The following SHB variants were observed in gnomAD, a reference collection of about 807,000 sequenced individuals.
The protein encoded by SHB is SH2 domain-containing adapter protein B.
SHB carries 20 observed loss-of-function variants against 52.3 expected under a neutral mutation model. The ratio of observed to expected loss-of-function variants is 0.38; its 90% CI spans 0.27 to 0.56. The LOEUF is 0.56. Ranked by LOEUF, SHB falls within the 20% of genes least tolerant of loss-of-function variation. The pLI, the probability that SHB is intolerant of heterozygous loss-of-function variation, is 0.71. For synonymous variants in SHB, 397 were observed against 316.5 expected (o/e 1.25, Z -2.70); for missense variants, 825 against 723.3 (o/e 1.14, Z -1.61).
At chr9:38,015,832 G>A (rs1321896553) in intron 2 of SHB, among the ~76,000 whole-genome samples, 179 bp downstream of exon 2, 1 of 152,082 alleles carries the variant, frequency 6.6e-6, no homozygotes, top group Non-Finnish European at 1.5e-5. Context: ...CCTAATATAG[G>A]TGAAACATAA....
At chr9:38,025,341 T>C (rs1821328755) in intron 1 of SHB, among the ~76,000 whole-genome samples, 2 of 152,130 alleles carry the variant, frequency 1.3e-5, no homozygotes, top group African/African-American at 4.8e-5. Flanking sequence ...TCTGTCCACC[T>C]TGCCAGACAG....
intron 1 of SHB, among the ~76,000 whole-genome samples, chr9:38,066,149 T>G (rs966192540): frequency 6.6e-6 from 1 of 152,108 alleles, no homozygotes; most frequent in African/African-American, 2.4e-5. Flanking sequence ...AAGAGTCAAG[T>G]CTTAAATATC....
chr9:37,984,774 G>A (rs1366223093), intron 2 of SHB, among the ~76,000 whole-genome samples: 1 of 152,142 alleles, frequency 6.6e-6, no homozygotes, highest in African/African-American at 2.4e-5. Flanking sequence ...TCAAAAGGGA[G>A]GTGACTTTAC....
chr9:37,976,161 A>G (rs1341085393), intron 2 of SHB, among the ~76,000 whole-genome samples: 1 of 152,064 alleles, frequency 6.6e-6, no homozygotes, highest in Non-Finnish European at 1.5e-5. Context: ...TCAGCCTCCC[A>G]AATAGCTAGG....
intron 1 of SHB, 106 bp from the exon 2 acceptor site, chr9:38,016,237 G>A: frequency 1.5e-6 from 2 of 1,292,356 alleles, no homozygotes; most frequent in South Asian, 1.4e-5. Context: ...GGAGAGGCAG[G>A]GGAGGCAGGA....
chr9:37,962,504 TC>T (rs1832703339), intron 3 of SHB, among the ~76,000 whole-genome samples: 1 of 127,252 alleles, frequency 7.9e-6, no homozygotes, highest in South Asian at 2.6e-4. Context: ...AATGGCTTCA[TC>T]TTTCTTTTTT....
At chr9:38,039,895 T>C (rs1179087166) in intron 1 of SHB, among the ~76,000 whole-genome samples, 1 of 152,244 alleles carries the variant, frequency 6.6e-6, no homozygotes, top group Non-Finnish European at 1.5e-5. Flanking sequence ...GACAGGAGTC[T>C]GGCGGCCCAT....
In SHB at chr9:37,918,201, C is replaced by A. The variant is rs569254599; in HGVS notation, c.*1620G>T. 2.6e-5 allele frequency among the ~76,000 whole-genome samples: 4 copies of A among 152,320 alleles called. No individual in the cohort carries two copies. Among genetic ancestry groups the A allele is most frequent in the African/African-American group, 7.2e-5 (3 of 41,566 alleles). ...TTCATTCAGACCAGCTGGTGCCTGGCGAAGGCTCTGGAACCCTTGTATCTC... is the reference window on the plus strand; with the variant it reads ...TTCATTCAGACCAGCTGGTGCCTGGAGAAGGCTCTGGAACCCTTGTATCTC... On this transcript the variant is annotated 3_prime_UTR_variant, in exon 6 of 6. Transcript: ENST00000377707.
intron 1 of SHB, among the ~76,000 whole-genome samples, chr9:38,046,154 G>C (rs1481594994): frequency 2.0e-5 from 3 of 152,042 alleles, no homozygotes; most frequent in African/African-American, 7.3e-5. Context: ...TCAAAACCGG[G>C]AGGCGGAAGT....
intron 2 of SHB, among the ~76,000 whole-genome samples, chr9:38,003,228 G>T (rs976835849): frequency 1.3e-5 from 2 of 152,148 alleles, no homozygotes; most frequent in Admixed American, 6.5e-5. Context: ...ATAGGGACCT[G>T]CCCCAGGTGG....
chr9:38,067,866 C>A, intron 1 of SHB, 63 bp downstream of exon 1: 2 of 1,396,410 alleles, frequency 1.4e-6, no homozygotes, highest in South Asian at 1.6e-5. Flanking sequence ...GCGGCGGGTG[C>A]CTCGGTTTCC....
chr9:38,056,456 A>G (rs1315332670), intron 1 of SHB, among the ~76,000 whole-genome samples: 1 of 152,130 alleles, frequency 6.6e-6, no homozygotes, highest in African/African-American at 2.4e-5. Flanking sequence ...CTCAGCCTCT[A>G]AAGTAGCTGG....
intron 1 of SHB, among the ~76,000 whole-genome samples, chr9:38,025,127 A>G (rs1821325831): frequency 1.3e-5 from 2 of 152,158 alleles, no homozygotes; most frequent in African/African-American, 4.8e-5. Flanking sequence ...AAAATGTCAG[A>G]GTATAATCAC....
rs761505204 is a variant in SHB, at chr9:37,925,178, G to A, written c.1347-5174C>T. 5.3e-5 allele frequency among the ~76,000 whole-genome samples: 8 copies of A among 152,180 alleles called. No individual in the cohort carries two copies. In the South Asian group the frequency reaches 8.3e-4, roughly 16 times the overall value. On this transcript the variant is annotated intron_variant, in intron 5 of 5. Transcript: ENST00000377707. ...CGCCCACCAGGGTCTGCCCAGAGCC[G>A]GGGCAATGAGGCCCCATGCATCCTC...
chr9:38,000,540 C>T (rs1274803497), intron 2 of SHB, among the ~76,000 whole-genome samples: 1 of 152,220 alleles, frequency 6.6e-6, no homozygotes. Context: ...TTCTCCTGAG[C>T]CTCCCATCCT....
At chr9:38,010,993 T>C (rs138308980) in intron 2 of SHB, among the ~76,000 whole-genome samples, 1 of 152,272 alleles carries the variant, frequency 6.6e-6, no homozygotes, top group African/African-American at 2.4e-5. Context: ...ATGTGCAAAG[T>C]TTGTTTTCCA....
rs1820636135 is a variant in SHB at position 37,974,810 on chromosome 9, G to C, written c.866C>G (p.Ser289Cys). 1.2e-6 allele frequency: 2 copies of C among 1,613,964 alleles called. No homozygotes were observed. The highest frequency in any genetic ancestry group is 1.7e-6 in the Non-Finnish European group (2 of 1,179,982). The change falls in exon 3 of 6, where the codon TCC becomes TGC. Residue 289 changes from serine to cysteine, a missense_variant. Transcript: ENST00000377707. ...ATATAACTGGATACCTTTATGCTGG[G>C]ACCGGACACTTTCCTGCCTCTGAAA... Reference protein sequence around the residue: ...TEFQRQESVRSQHKGIQLYDT... With the variant: ...TEFQRQESVRCQHKGIQLYDT...
chr9:38,001,030 T>C (rs1055561077), intron 2 of SHB, among the ~76,000 whole-genome samples: 1 of 152,342 alleles, frequency 6.6e-6, no homozygotes, highest in African/African-American at 2.4e-5. Context: ...TGTAAACGCA[T>C]GGGGCACTGT....
Position 38,002,167 on chromosome 9 carries a change from C to T in SHB, c.838+13844G>A, listed in dbSNP as rs149024743. 2.6e-3 allele frequency among the ~76,000 whole-genome samples: 392 copies of T among 152,206 alleles called. 3 individuals carry two copies. The highest frequency in any genetic ancestry group is 2.7e-3 in the Non-Finnish European group (187 of 68,026). On this transcript the variant is annotated intron_variant, in intron 2 of 5. Transcript: ENST00000377707. ...AGCAAGGACTGCCTCCAGGGTTGTT[C>T]TGAGGATGAAATGAGATGTGAGTAG... is the stretch of plus-strand genomic sequence containing the variant.
Sources: allele counts gnomAD v4.1 joint callset (sites outside exome capture counted in the v4.1 genomes callset), GRCh38; gene constraint gnomAD v4.1.1; transcripts MANE v1.5; gene names NCBI Gene and HGNC (gene_info 2026-07-23, HGNC 2026-07-21).